The following TYRP1 variants were observed in gnomAD, a reference collection of about 807,000 sequenced individuals.
The protein encoded by TYRP1 is tyrosinase related protein 1.
A neutral mutation model predicts 42.8 loss-of-function variants in TYRP1; 49 were observed. That is an observed-to-expected ratio of 1.14 (90% CI 0.91 to 1.45). TYRP1 has a LOEUF of 1.45. Ranked by LOEUF, TYRP1 falls within the 40% of genes most tolerant of loss-of-function variation. The pLI is 0.00. For missense variants in TYRP1, 848 were observed against 662.0 expected, an observed-to-expected ratio of 1.28 and a Z score of -3.08; for synonymous variants, 279 against 235.4, an observed-to-expected ratio of 1.19 and a Z score of -1.69.
chr9:12,702,236 G>A (rs1420140562), intron 4 of TYRP1, 35 bp from the exon 5 acceptor site: 2 of 1,604,184 alleles, frequency 1.2e-6, no homozygotes, highest in Middle Eastern at 1.7e-4. Flanking sequence ...TCCAAACATT[G>A]TGTAAATGTT....
At chr9:12,697,921 C>T (rs945447536) in intron 3 of TYRP1, among the ~76,000 whole-genome samples, 3 of 152,130 alleles carry the variant, frequency 2.0e-5, no homozygotes, top group African/African-American at 7.2e-5. Flanking sequence ...GTGAAAGAGT[C>T]CATTGGCCTG....
chr9:12,707,299 A>T (rs561265607), intron 6 of TYRP1, among the ~76,000 whole-genome samples: 1 of 152,092 alleles, frequency 6.6e-6, no homozygotes, highest in African/African-American at 2.4e-5. Flanking sequence ...TATTATTTTC[A>T]AATCTACTAT....
rs942673351 is a variant in TYRP1, at chr9:12,704,576, A to C, written c.1132A>C (p.Asn378His). 1.9e-6 allele frequency: 3 copies of C among 1,612,978 alleles called. No individual in the cohort carries two copies. The highest frequency in any genetic ancestry group is 2.7e-5 in the African/African-American group (2 of 74,808). ...KYDPAVRSLH[N>H]LAHLFLNGTG... ...TGACCCTGCTGTTCGAAGTCTTCAC[A>C]ATTTGGCTCATCTATTCCTGAATGG... is the stretch of plus-strand genomic sequence containing the variant. The change falls in exon 6 of 8, where the codon AAT becomes CAT. Residue 378 changes from asparagine (N) to histidine (H), a missense_variant. Physicochemically the swap from Asn to His is moderately conservative, Grantham distance 68 (BLOSUM62 1). Transcript: ENST00000388918.
At chr9:12,696,268 C>T (rs562547807) in intron 3 of TYRP1, among the ~76,000 whole-genome samples, 2 of 152,172 alleles carry the variant, frequency 1.3e-5, no homozygotes, top group African/African-American at 4.8e-5. Context: ...CTCATCATTC[C>T]AGCGATGATT....
Position 12,704,524 on chromosome 9 carries a change from A to G in TYRP1, c.1082-2A>G. ...CTATTCTCCTCCTTACCATGTGTCTAGGTTACAGTGACCCCACGGGAAAGT... is the reference window on the plus strand; with the variant it reads ...CTATTCTCCTCCTTACCATGTGTCTGGGTTACAGTGACCCCACGGGAAAGT... On this transcript the variant is annotated splice_acceptor_variant, in intron 5 of 7. Coordinates refer to ENST00000388918, the MANE Select transcript of TYRP1 (RefSeq NM_000550.3). LOFTEE classifies it high-confidence loss of function. 1.2e-6 allele frequency: 2 copies of G among 1,611,380 alleles called. No homozygotes were observed. Among genetic ancestry groups the G allele is most frequent in the Non-Finnish European group, 8.5e-7 (1 of 1,179,176 alleles).
Position 12,698,443 on chromosome 9 carries a change from T to C in TYRP1, c.709-8T>C, listed in dbSNP as rs1396230869. On this transcript the variant is annotated splice_region_variant and splice_polypyrimidine_tract_variant and intron_variant, in intron 3 of 7. Coordinates refer to ENST00000388918, the MANE Select transcript of TYRP1 (RefSeq NM_000550.3). ...GCAGAGAGTATTAATGTGGTTTCTG[T>C]GATCTAGGAAATGTTGCAAGAGCCT... The C allele has an allele frequency of 6.2e-7, 1 of 1,612,764 alleles. No homozygotes were observed. Among genetic ancestry groups the C allele is most frequent in the Non-Finnish European group, 8.5e-7 (1 of 1,178,938 alleles).
chr9:12,709,024 G>A lies in TYRP1; in HGVS notation c.1456G>A (p.Ala486Thr), dbSNP rs200607153. Reference protein sequence around the residue: ...PEIIAIAVVGALLLVALIFGT... With the variant: ...PEIIAIAVVGTLLLVALIFGT... Reference sequence around the variant, plus strand: ...GATAATTGCCATAGCAGTAGTTGGCGCTTTGTTACTGGTTGCACTCATTTT... The same window carrying A: ...GATAATTGCCATAGCAGTAGTTGGCACTTTGTTACTGGTTGCACTCATTTT... Residue 486 changes from alanine to threonine, a missense_variant, in exon 8 of 8, where the codon GCT becomes ACT. Transcript: ENST00000388918. 3.4e-4 allele frequency: 555 copies of A among 1,612,624 alleles called. 1 individual carries two copies. The highest frequency in any genetic ancestry group is 4.3e-4 in the Non-Finnish European group (512 of 1,179,180).
chr9:12,710,251 AAAAT>A lies in TYRP1; in HGVS notation c.*1076_*1079del, dbSNP rs1741066062. 1 of 104,470 alleles carries A rather than the reference AAAAT, an allele frequency of 9.6e-6. No homozygotes were observed. Among genetic ancestry groups the A allele is most frequent in the South Asian group, 2.3e-4 (1 of 4,414 alleles). The allele number at this position is 104,470 out of a possible 1,614,324, so 6.5% of individuals were successfully genotyped here. A position where few individuals can be genotyped will look rare whatever the true frequency, so the allele number is the denominator to read the frequency against. On this transcript the variant is annotated 3_prime_UTR_variant, in exon 8 of 8. Transcript: ENST00000388918. Reference sequence around the variant, plus strand: ...GTGAATATTTTAATTAAAATTGGTAAAAATAAATAATAACAGTAATAATCATGCA... The same window carrying A: ...GTGAATATTTTAATTAAAATTGGTAAAAATAATAACAGTAATAATCATGCA...
At chr9:12,693,844 G>A (rs1469252192) in intron 1 of TYRP1, 68 bp from the exon 2 acceptor site, 13 of 949,132 alleles carry the variant, frequency 1.4e-5, no homozygotes, top group Non-Finnish European at 1.9e-5. Flanking sequence ...AGTGGTTTGG[G>A]AAGGGGGCAT....
chr9:12,698,705 G>A, intron 4 of TYRP1, 50 bp downstream of exon 4: 1 of 1,544,228 alleles, frequency 6.5e-7, no homozygotes, highest in Non-Finnish European at 8.9e-7. Flanking sequence ...TAGATAAAGA[G>A]ATTAAATATG....
In TYRP1 at chr9:12,708,033, G is replaced by A. The variant is rs1172083752; in HGVS notation, c.1298G>A (p.Gly433Glu). 2 of 1,612,300 alleles carry A rather than the reference G, an allele frequency of 1.2e-6. No individual in the cohort carries two copies. Among genetic ancestry groups the A allele is most frequent in the Non-Finnish European group, 1.7e-6 (2 of 1,179,106 alleles). The change falls in exon 7 of 8, where the codon GGA becomes GAA. Residue 433 changes from glycine to glutamate, a missense_variant. By Grantham distance (98) the Gly-to-Glu change is moderately conservative (BLOSUM62 -2). Transcript: ENST00000388918. The stretch of plus-strand genomic sequence containing the variant: ...TTTCCATTGGAAAATGCCCCTATTG[G>A]ACATAATAGACAATACAACATGGTG... ...STFPLENAPI[G>E]HNRQYNMVPF...
chr9:12,696,281 C>G (rs921955958), intron 3 of TYRP1, among the ~76,000 whole-genome samples: 1 of 152,106 alleles, frequency 6.6e-6, no homozygotes, highest in African/African-American at 2.4e-5. Context: ...CGATGATTCC[C>G]TCCAACATGG....
At chr9:12,699,420 G>T (rs1002687531) in intron 4 of TYRP1, among the ~76,000 whole-genome samples, 1 of 151,854 alleles carries the variant, frequency 6.6e-6, no homozygotes, top group African/African-American at 2.4e-5. Flanking sequence ...TTCTTCTTCA[G>T]GCATGTATGG....
chr9:12,709,057 G>T lies in TYRP1; in HGVS notation c.1489G>T (p.Ala497Ser). Residue 497 changes from alanine to serine, a missense_variant, in exon 8 of 8, where the codon GCT (alanine) becomes TCT (serine). Transcript: ENST00000388918. ...LLLVALIFGTASYLIRARRSM... is the reference protein window; with the variant it reads ...LLLVALIFGTSSYLIRARRSM... ...ACTGGTTGCACTCATTTTTGGGACT[G>T]CTTCTTATCTGATTCGTGCCAGACG... The T allele has an allele frequency of 6.2e-7, 1 of 1,612,796 alleles. No individual in the cohort carries two copies. Among genetic ancestry groups the T allele is most frequent in the Non-Finnish European group, 8.5e-7 (1 of 1,179,278 alleles).
chr9:12,701,395 C>G (rs1290555817), intron 4 of TYRP1, among the ~76,000 whole-genome samples: 1 of 151,950 alleles, frequency 6.6e-6, no homozygotes, highest in Non-Finnish European at 1.5e-5. Flanking sequence ...TCTTCAGCAC[C>G]TATTCAATGC....
Position 12,698,641 on chromosome 9 carries a change from G to C in TYRP1, c.899G>C (p.Gly300Ala). Reference sequence around the variant, plus strand: ...TCCTTGGAAGATTATGATACCCTGGGAACACTTTGTAACAGTAAGTTCCAA... The same window carrying C: ...TCCTTGGAAGATTATGATACCCTGGCAACACTTTGTAACAGTAAGTTCCAA... ...CDSLEDYDTLGTLCNSTEDGP... is the reference protein window; with the variant it reads ...CDSLEDYDTLATLCNSTEDGP... Residue 300 changes from glycine (G) to alanine (A), a missense_variant, in exon 4 of 8, where the codon GGA becomes GCA. Coordinates refer to ENST00000388918, the MANE Select transcript of TYRP1 (RefSeq NM_000550.3). 6.2e-7 allele frequency: 1 copy of C among 1,613,536 alleles called. No homozygotes were observed. Among genetic ancestry groups the C allele is most frequent in the South Asian group, 1.1e-5 (1 of 91,060 alleles).
In TYRP1 at chr9:12,694,126, G is replaced by C; in HGVS notation, c.130G>C (p.Asp44His). Residue 44 changes from aspartate to histidine, a missense_variant, in exon 2 of 8, where the codon GAC becomes CAC. Physicochemically the swap from Asp to His is moderately conservative, Grantham distance 81. Coordinates refer to ENST00000388918, the MANE Select transcript of TYRP1 (RefSeq NM_000550.3). ...TTTGAGAAGTGGTATGTGTTGCCCA[G>C]ACCTGTCCCCTGTGTCTGGGCCTGG... is the stretch of plus-strand genomic sequence containing the variant. Reference protein sequence around the residue: ...EALRSGMCCPDLSPVSGPGTD... With the variant: ...EALRSGMCCPHLSPVSGPGTD... 2 of 1,614,046 alleles carry C rather than the reference G, an allele frequency of 1.2e-6. No homozygotes were observed. Among genetic ancestry groups the C allele is most frequent in the Non-Finnish European group, 1.7e-6 (2 of 1,180,016 alleles).
chr9:12,704,619 A>T lies in TYRP1; in HGVS notation c.1175A>T (p.His392Leu). The T allele has an allele frequency of 6.2e-7, 1 of 1,613,008 alleles. No homozygotes were observed. Among genetic ancestry groups the T allele is most frequent in the African/African-American group, 1.3e-5 (1 of 74,936 alleles). The change falls in exon 6 of 8, where the codon CAT becomes CTT. Residue 392 changes from histidine (H) to leucine (L), a missense_variant. By Grantham distance (99) the His-to-Leu change is moderately conservative. Coordinates refer to ENST00000388918, the MANE Select transcript of TYRP1 (RefSeq NM_000550.3). ...CTGAATGGAACAGGGGGACAAACCC[A>T]TTTGTCTCCAAATGATCCTATTTTT... ...LFLNGTGGQT[H>L]LSPNDPIFVL...
rs1818307769 is a variant in TYRP1 at position 12,708,964 on chromosome 9, C to CCTT, written c.1409-12_1409-10dup. ...ATATTTGTCTTTTTATTTTTATCTT[C>CCTT]CTTTCCAAATAGGTCGGGAGTTTAG... On this transcript the variant is annotated splice_polypyrimidine_tract_variant and intron_variant, in intron 7 of 7. Transcript: ENST00000388918. The CCTT allele has an allele frequency of 6.2e-7, 1 of 1,607,950 alleles. No individual in the cohort carries two copies. Among genetic ancestry groups the CCTT allele is most frequent in the Non-Finnish European group, 8.5e-7 (1 of 1,175,586 alleles).
Sources: gnomAD v4.1 joint callset for allele counts (sites outside exome capture counted in the v4.1 genomes callset) on GRCh38, gnomAD v4.1.1 for gene constraint, MANE v1.5 for transcripts, NCBI Gene and HGNC (gene_info 2026-07-23, HGNC 2026-07-21) for gene names.